Variants in SEC14L1 observed in about 807,000 individuals in gnomAD.
The protein encoded by SEC14L1 is SEC14-like protein 1.
A neutral mutation model predicts 85.3 loss-of-function variants in SEC14L1; 48 were observed. That is an observed-to-expected ratio of 0.56 (90% CI 0.45 to 0.72). The LOEUF (loss-of-function observed/expected upper bound fraction) is 0.72, where lower values mean the gene tolerates loss of function less well. Ranked by LOEUF, SEC14L1 falls within the 30% of genes least tolerant of loss-of-function variation. SEC14L1 has a pLI of 0.00. For missense variants in SEC14L1, 682 were observed against 921.4 expected, an observed-to-expected ratio of 0.74 and a Z score of 3.36; for synonymous variants, 391 against 355.5, an observed-to-expected ratio of 1.10 and a Z score of -1.12.
intron 3 of SEC14L1, among the ~76,000 whole-genome samples, chr17:77,177,267 C>A (rs1056585795): frequency 1.3e-5 from 2 of 150,744 alleles, no homozygotes; most frequent in Non-Finnish European, 3.0e-5. Flanking sequence ...ACATAGAGCC[C>A]CCGGGCTGAT....
chr17:77,191,309 C>T lies in SEC14L1; in HGVS notation c.342C>T (p.Tyr114=), dbSNP rs1353169652. The change falls in exon 5 of 17, where the codon TAC becomes TAT. Residue 114 remains tyrosine, a synonymous_variant. Coordinates refer to ENST00000436233, the MANE Select transcript of SEC14L1 (RefSeq NM_001143998.2). ...NRVIINEHCC[Y]TVHPENEDWT... ...TCATCATTAATGAGCATTGCTGCTA[C>T]ACCGTGAGTAATCTGTCACTCGGCG... The T allele has an allele frequency of 1.2e-6, 2 of 1,613,950 alleles. No individual in the cohort carries two copies. Among genetic ancestry groups the T allele is most frequent in the African/African-American group, 2.7e-5 (2 of 74,918 alleles).
intron 3 of SEC14L1, among the ~76,000 whole-genome samples, chr17:77,125,606 G>A (rs1034207920): frequency 4.6e-5 from 7 of 152,092 alleles, no homozygotes; most frequent in Non-Finnish European, 7.4e-5. Context: ...CTGCTATACC[G>A]GGACCATATG....
At chr17:77,161,712 CTTTTTTTTTT>C (rs763767954) in intron 3 of SEC14L1, among the ~76,000 whole-genome samples, 58 of 103,056 alleles carry the variant, frequency 5.6e-4, no homozygotes, top group African/African-American at 1.9e-3. Context: ...TAAATTGGTT[CTTTTTTTTTT>C]TTTTTTTTTT....
At position 77,145,336 on chromosome 17, in the gene SEC14L1, G is replaced by C. The variant is rs1363777284; in HGVS notation, c.63+1677G>C. On this transcript the variant is annotated intron_variant, in intron 3 of 16. Coordinates refer to ENST00000436233, the MANE Select transcript of SEC14L1 (RefSeq NM_001143998.2). ...GAAATGGTCACGTGTCAGGTGTACA[G>C]TTTGATTAGTTTTAACAAAAGAATC... Among the ~76,000 whole-genome samples the C allele has an allele frequency of 2.6e-5, 4 of 152,100 alleles. No homozygotes were observed. The East Asian group carries it at 7.7e-4, about 29-fold the overall frequency.
In SEC14L1 at chr17:77,155,064, A is replaced by G. The variant is rs549612165; in HGVS notation, c.63+11405A>G. ...GAGCAGTTAATGCTATTTTAGGCAT[A>G]GCTATCTGGCTCTCTTACTGGGCAG... On this transcript the variant is annotated intron_variant, in intron 3 of 16. Coordinates refer to ENST00000436233, the MANE Select transcript of SEC14L1 (RefSeq NM_001143998.2). Among the ~76,000 whole-genome samples, 5 of 152,314 alleles carry G rather than the reference A, an allele frequency of 3.3e-5. No homozygotes were observed. In the South Asian group the frequency reaches 8.3e-4, roughly 25 times the overall value.
At chr17:77,143,104 AT>A (rs34225381) in intron 2 of SEC14L1, among the ~76,000 whole-genome samples, 54,312 of 152,012 alleles carry the variant, frequency 0.36, 9,941 homozygotes, top group South Asian at 0.43. Context: ...ATACAGTAGT[AT>A]TTTTTTCCAG....
chr17:77,108,819 A>G (rs1456827740), intron 3 of SEC14L1, among the ~76,000 whole-genome samples: 1 of 146,822 alleles, frequency 6.8e-6, no homozygotes, highest in Non-Finnish European at 1.5e-5. Flanking sequence ...TGTATATGTC[A>G]TCTGTTTCTT....
Position 77,216,623 on chromosome 17 carries a change from A to T in SEC14L1, c.*2600A>T, listed in dbSNP as rs368178977. On this transcript the variant is annotated 3_prime_UTR_variant, in exon 17 of 17. Coordinates refer to ENST00000436233, the MANE Select transcript of SEC14L1 (RefSeq NM_001143998.2). ...TCATGTGCCCAGAGATGTTTATAGA[A>T]CTGTTTGAATTGCAGCCATCCCCTG... is the stretch of plus-strand genomic sequence containing the variant. The T allele has an allele frequency of 6.2e-7, 1 of 1,612,808 alleles. No homozygotes were observed. The highest frequency in any genetic ancestry group is 1.3e-5 in the African/African-American group (1 of 74,922).
intron 8 of SEC14L1, among the ~76,000 whole-genome samples, chr17:77,199,831 C>A (rs1205344630): frequency 6.6e-6 from 1 of 152,190 alleles, no homozygotes; most frequent in Non-Finnish European, 1.5e-5. Flanking sequence ...CTGGTACCAC[C>A]TCATTTTTAA....
intron 3 of SEC14L1, among the ~76,000 whole-genome samples, chr17:77,173,219 C>A (rs1974598007): frequency 6.6e-6 from 1 of 152,166 alleles, no homozygotes; most frequent in South Asian, 2.1e-4. Context: ...AGAGTTGGAG[C>A]TAACTCTTTA....
chr17:77,116,686 A>G (rs967647200), intron 3 of SEC14L1, among the ~76,000 whole-genome samples: 1 of 152,262 alleles, frequency 6.6e-6, no homozygotes, highest in Non-Finnish European at 1.5e-5. Context: ...TAGTACAGAC[A>G]TAAATTTGCT....
intron 13 of SEC14L1, among the ~76,000 whole-genome samples, chr17:77,208,041 C>A (rs975658590): frequency 6.6e-6 from 1 of 152,146 alleles, no homozygotes; most frequent in Non-Finnish European, 1.5e-5. Flanking sequence ...CAGAAGGGCT[C>A]TCTAGTCATC....
chr17:77,104,072 A>G (rs1403130822), intron 3 of SEC14L1, among the ~76,000 whole-genome samples: 2 of 151,728 alleles, frequency 1.3e-5, no homozygotes, highest in Non-Finnish European at 2.9e-5. Context: ...CTTTGTCCCA[A>G]GATCATCAAA....
intron 3 of SEC14L1, among the ~76,000 whole-genome samples, chr17:77,169,007 C>CTTTTTTTTTTTTTTTTTT (rs71160208): frequency 1.3e-5 from 1 of 77,832 alleles, no homozygotes; most frequent in East Asian, 3.9e-4. Flanking sequence ...TGAGGAGCAT[C>CTTTTTTTTTTTTTTTTTT]TTTTTTTTTT....
chr17:77,215,037 T>A lies in SEC14L1; in HGVS notation c.*1014T>A. On this transcript the variant is annotated 3_prime_UTR_variant, in exon 17 of 17. Coordinates refer to ENST00000436233, the MANE Select transcript of SEC14L1 (RefSeq NM_001143998.2). ...GTGGCATGTAGGAGTCCTGCTTCTTTGTACATGGGAATTGTGGACTCATGC... is the reference window on the plus strand; with the variant it reads ...GTGGCATGTAGGAGTCCTGCTTCTTAGTACATGGGAATTGTGGACTCATGC... 1.0e-6 allele frequency: 1 copy of A among 985,466 alleles called. No individual in the cohort carries two copies. Among genetic ancestry groups the A allele is most frequent in the Middle Eastern group, 5.2e-4 (1 of 1,922 alleles). The allele number at this position is 985,466 out of a possible 1,614,324, so 61.0% of individuals were successfully genotyped here. A position where few individuals can be genotyped will look rare whatever the true frequency, so the allele number is the denominator to read the frequency against.
intron 3 of SEC14L1, among the ~76,000 whole-genome samples, chr17:77,118,054 T>G (rs556192960): frequency 1.3e-5 from 2 of 152,372 alleles, no homozygotes; most frequent in Admixed American, 1.3e-4. Flanking sequence ...GGGAATCATT[T>G]GATTTTTTCC....
intron 5 of SEC14L1, 94 bp downstream of exon 5, chr17:77,191,406 T>G (rs1567921183): frequency 7.2e-7 from 1 of 1,393,160 alleles, no homozygotes; most frequent in East Asian, 2.3e-5. Context: ...TCTTTTTGTC[T>G]TAGAGGGCAG....
Position 77,206,327 on chromosome 17 carries a change from C to A in SEC14L1, c.1268C>A (p.Ala423Asp). ...ALLRIIEVVE[A>D]NYPETLGRLL... is the part of the protein sequence containing the mutation. The stretch of plus-strand genomic sequence containing the variant: ...CTGCGGATCATCGAGGTGGTGGAGG[C>A]CAACTACCCTGAGACACTGGGCCGC... The change falls in exon 12 of 17, where the codon GCC becomes GAC. Residue 423 changes from alanine (A) to aspartate (D), a missense_variant. This residue lies in a region of SEC14L1 where 420 missense variants were observed against 619.5 expected (regional missense o/e 0.68). Coordinates refer to ENST00000436233, the MANE Select transcript of SEC14L1 (RefSeq NM_001143998.2). The surrounding 1 kb of genome is among the most constrained non-coding windows in gnomAD (Gnocchi z 4.3). The A allele has an allele frequency of 1.2e-6, 2 of 1,614,066 alleles. No homozygotes were observed. The highest frequency in any genetic ancestry group is 2.2e-5 in the South Asian group (2 of 91,072).
At chr17:77,157,928 A>G (rs975682069) in intron 3 of SEC14L1, among the ~76,000 whole-genome samples, 2 of 152,068 alleles carry the variant, frequency 1.3e-5, no homozygotes, top group African/African-American at 4.8e-5. Flanking sequence ...TTTAACATAC[A>G]CTAGAAGGAG....
Sources: gnomAD v4.1 joint callset for allele counts (sites outside exome capture counted in the v4.1 genomes callset) on GRCh38, gnomAD v4.1.1 for gene constraint, gnomAD v4.1.1 regional missense constraint, Gnocchi (gnomAD v3.1) non-coding constraint, MANE v1.5 for transcripts, NCBI Gene and HGNC (gene_info 2026-07-23, HGNC 2026-07-21) for gene names.